SRPK2: variants seen among roughly 807,000 people sequenced by gnomAD.
The protein encoded by SRPK2 is SRSF protein kinase 2.
In SRPK2, 21 loss-of-function variants were observed where a neutral mutation model predicts 90.8. That is an observed-to-expected ratio of 0.23 (90% CI 0.16 to 0.33). The LOEUF is 0.33. Ranked by LOEUF, SRPK2 falls within the 10% of genes least tolerant of loss-of-function variation. The pLI, the probability that SRPK2 is intolerant of heterozygous loss-of-function variation, is 1.00. For synonymous variants in SRPK2, 288 were observed against 311.1 expected, an observed-to-expected ratio of 0.93 and a Z score of 0.78; for missense variants, 620 against 869.0, an observed-to-expected ratio of 0.71 and a Z score of 3.60.
intron 2 of SRPK2, among the ~76,000 whole-genome samples, chr7:105,262,005 G>T (rs772488179): frequency 1.3e-5 from 2 of 152,110 alleles, no homozygotes; most frequent in African/African-American, 2.4e-5. Context: ...ACTGACCCAG[G>T]TATGGAGTTT....
intron 2 of SRPK2, among the ~76,000 whole-genome samples, chr7:105,312,218 G>GA (rs1261063470): frequency 6.6e-6 from 1 of 152,136 alleles, no homozygotes; most frequent in Non-Finnish European, 1.5e-5. Flanking sequence ...AAGGTGGGGG[G>GA]ATCACAAGGT....
At chr7:105,314,781 T>C (rs1209729538) in intron 2 of SRPK2, among the ~76,000 whole-genome samples, 1 of 152,204 alleles carries the variant, frequency 6.6e-6, no homozygotes, top group Admixed American at 6.5e-5. Context: ...GCACATTACA[T>C]ATAACAAAAG....
intron 2 of SRPK2, among the ~76,000 whole-genome samples, chr7:105,358,503 T>C (rs1452605898): frequency 6.6e-6 from 1 of 151,914 alleles, no homozygotes; most frequent in Non-Finnish European, 1.5e-5. Context: ...CTGGACAACA[T>C]GACGAAACTC....
At chr7:105,359,147 C>CCAT (rs1818139761) in intron 2 of SRPK2, among the ~76,000 whole-genome samples, 1 of 137,120 alleles carries the variant, frequency 7.3e-6, no homozygotes, top group Non-Finnish European at 1.5e-5. Context: ...ATCCAAACCA[C>CCAT]AGCTTTTTTT....
intron 3 of SRPK2, among the ~76,000 whole-genome samples, chr7:105,170,907 GAAAGA>G (rs1563025983): frequency 3.0e-4 from 25 of 84,672 alleles, no homozygotes; most frequent in East Asian, 2.0e-3. Flanking sequence ...AAGAAAGAAA[GAAAGA>G]AAGGAGAAAG....
chr7:105,293,232 A>G (rs914181776), intron 2 of SRPK2, among the ~76,000 whole-genome samples: 6 of 151,886 alleles, frequency 4.0e-5, no homozygotes, highest in African/African-American at 1.4e-4. Context: ...AGGGAGGTGG[A>G]GGTTGTAGTG....
chr7:105,370,904 C>A (rs556319346), intron 2 of SRPK2, among the ~76,000 whole-genome samples: 2 of 152,130 alleles, frequency 1.3e-5, no homozygotes, highest in African/African-American at 4.8e-5. Flanking sequence ...GCATGATCTA[C>A]TGCGCCCGGC....
chr7:105,330,201 G>A (rs946763570), intron 2 of SRPK2, among the ~76,000 whole-genome samples: 2 of 151,856 alleles, frequency 1.3e-5, no homozygotes, highest in Non-Finnish European at 2.9e-5. Flanking sequence ...TTAGCCAGGC[G>A]TGGTGGCGGG....
chr7:105,136,462 CA>C (rs1802819476), intron 11 of SRPK2, among the ~76,000 whole-genome samples: 1 of 152,142 alleles, frequency 6.6e-6, no homozygotes, highest in Non-Finnish European at 1.5e-5. Flanking sequence ...GTCTTCCTTC[CA>C]AAATGAAAAG....
intron 6 of SRPK2, among the ~76,000 whole-genome samples, chr7:105,165,551 C>G (rs1048810809): frequency 5.3e-5 from 8 of 152,040 alleles, no homozygotes; most frequent in African/African-American, 1.7e-4. Context: ...CCAATCAGCA[C>G]TCTGTAAAAA....
chr7:105,388,615 T>TGGGGAACGGGGACAGGCGC (rs1563323686), intron 2 of SRPK2, 33 bp downstream of exon 2: 1 of 1,497,112 alleles, frequency 6.7e-7, no homozygotes, highest in Non-Finnish European at 8.9e-7. Flanking sequence ...GGGGCGGGGG[T>TGGGGAACGGGGACAGGCGC]GGGGAACGGG....
At chr7:105,134,773 G>A (rs989212474) in intron 11 of SRPK2, among the ~76,000 whole-genome samples, 5 of 152,196 alleles carry the variant, frequency 3.3e-5, no homozygotes, top group Non-Finnish European at 1.5e-5. Flanking sequence ...TCCAGAGGAC[G>A]CCAAGAGAAT....
chr7:105,326,209 C>T (rs1813570669), intron 2 of SRPK2, among the ~76,000 whole-genome samples: 1 of 151,514 alleles, frequency 6.6e-6, no homozygotes, highest in African/African-American at 2.5e-5. Flanking sequence ...GACCACCTGG[C>T]CAAGCCACAT....
chr7:105,304,524 G>T (rs749341520), intron 2 of SRPK2: 6 of 152,222 alleles, frequency 3.9e-5, no homozygotes, highest in Non-Finnish European at 8.8e-5. Context: ...ATAAACCACA[G>T]AAAGTGCACA....
At position 105,126,982 on chromosome 7, in the gene SRPK2, C is replaced by T; in HGVS notation, c.1822+11G>A. On this transcript the variant is annotated intron_variant, in intron 14 of 15. Transcript: ENST00000393651. ...CCTAGACCGAGGTATTCAGCAGGCACCAATACTCACCTTCGTCTCTGGAAT... is the reference window on the plus strand; with the variant it reads ...CCTAGACCGAGGTATTCAGCAGGCATCAATACTCACCTTCGTCTCTGGAAT... 6.2e-7 allele frequency: 1 copy of T among 1,614,028 alleles called. No homozygotes were observed. Among genetic ancestry groups the T allele is most frequent in the Non-Finnish European group, 8.5e-7 (1 of 1,179,888 alleles).
intron 2 of SRPK2, among the ~76,000 whole-genome samples, chr7:105,382,070 A>C (rs1424733597): frequency 6.6e-6 from 1 of 152,122 alleles, no homozygotes; most frequent in African/African-American, 2.4e-5. Flanking sequence ...TGGGAGGCTG[A>C]GCCAGGAGAA....
chr7:105,367,622 G>C (rs1819221110), intron 2 of SRPK2, among the ~76,000 whole-genome samples: 1 of 152,128 alleles, frequency 6.6e-6, no homozygotes, highest in African/African-American at 2.4e-5. Context: ...AGCAACAGGA[G>C]GTAGCTACAA....
chr7:105,297,950 C>T (rs1810042259), intron 2 of SRPK2, among the ~76,000 whole-genome samples: 1 of 152,174 alleles, frequency 6.6e-6, no homozygotes, highest in African/African-American at 2.4e-5. Flanking sequence ...CCATGTTGGC[C>T]AAGCTGGTCT....
At chr7:105,289,060 T>C (rs1487450013) in intron 2 of SRPK2, among the ~76,000 whole-genome samples, 1 of 144,872 alleles carries the variant, frequency 6.9e-6, no homozygotes, top group Non-Finnish European at 1.5e-5. Context: ...ATCGAGACCG[T>C]CTTGGCTAAC....
Sources: gnomAD v4.1 joint callset for allele counts (sites outside exome capture counted in the v4.1 genomes callset) on GRCh38, gnomAD v4.1.1 for gene constraint, MANE v1.5 for transcripts, NCBI Gene and HGNC (gene_info 2026-07-23, HGNC 2026-07-21) for gene names.